AFF2: variants seen among roughly 807,000 people sequenced by gnomAD.
AFF2 encodes AF4/FMR2 family member 2.
In AFF2, 14 loss-of-function variants were observed where a neutral mutation model predicts 76.9. The ratio of observed to expected loss-of-function variants is 0.18; its 90% CI spans 0.12 to 0.28. The LOEUF (loss-of-function observed/expected upper bound fraction) is 0.28. AFF2 is among the 10% of genes least tolerant of loss of function. The pLI is 1.00. For missense variants in AFF2, 868 were observed against 1,001.1 expected, an observed-to-expected ratio of 0.87 and a Z score of 1.79; for synonymous variants, 398 against 366.7, an observed-to-expected ratio of 1.09 and a Z score of -0.98.
intron 7 of AFF2, among the ~76,000 whole-genome samples, chrX:148,859,324 T>A (rs1287099839): frequency 2.7e-5 from 3 of 109,918 alleles, no homozygotes; most frequent in African/African-American, 9.9e-5. Context: ...GACAGGAGTT[T>A]ACCTACGTAA....
chrX:148,788,727 G>A (rs1557269733), intron 3 of AFF2, among the ~76,000 whole-genome samples: 1 of 112,384 alleles, frequency 8.9e-6, no homozygotes, highest in East Asian at 2.8e-4. Flanking sequence ...GGCTAGTGCT[G>A]TGATGGTAGC....
At chrX:148,961,364 T>C (rs1392505991) in intron 12 of AFF2, among the ~76,000 whole-genome samples, 1 of 112,560 alleles carries the variant, frequency 8.9e-6, no homozygotes, top group African/African-American at 3.2e-5. Flanking sequence ...TTAATCCATA[T>C]GTTCACCATC....
intron 7 of AFF2, among the ~76,000 whole-genome samples, chrX:148,856,426 A>G (rs990540212): frequency 1.8e-5 from 2 of 111,703 alleles, no homozygotes; most frequent in Non-Finnish European, 3.8e-5. Flanking sequence ...TTTTATAGCC[A>G]GTAATGATGG....
chrX:148,674,492 G>C (rs1557259320), intron 3 of AFF2, among the ~76,000 whole-genome samples: 1 of 112,140 alleles, frequency 8.9e-6, no homozygotes, highest in African/African-American at 3.2e-5. Context: ...GGCCAAGGGA[G>C]TAGAGGCTCT....
intron 3 of AFF2, among the ~76,000 whole-genome samples, chrX:148,801,892 G>GTT (rs2124633574): frequency 9.0e-6 from 1 of 111,129 alleles, no homozygotes; most frequent in East Asian, 2.8e-4. Flanking sequence ...ACACAATCAG[G>GTT]TTTACATCCC....
rs1478419173 is a variant in AFF2, at chrX:148,541,059, T to C, written c.47+39915T>C. ...AACAGCCTGATTTTATGAGGTGACATTTTAGATTATGATATGACATTGCAG... is the reference window on the plus strand; with the variant it reads ...AACAGCCTGATTTTATGAGGTGACACTTTAGATTATGATATGACATTGCAG... On this transcript the variant is annotated intron_variant, in intron 1 of 20. Coordinates refer to ENST00000370460, the MANE Select transcript of AFF2 (RefSeq NM_002025.4). Among the ~76,000 whole-genome samples, 3 of 112,312 alleles carry C rather than the reference T, an allele frequency of 2.7e-5. No individual in the cohort carries two copies. The East Asian group carries it at 8.4e-4, about 31-fold the overall frequency.
At chrX:148,592,652 C>T (rs1456515655) in intron 1 of AFF2, among the ~76,000 whole-genome samples, 8 of 111,875 alleles carry the variant, frequency 7.2e-5, no homozygotes, top group Non-Finnish European at 1.5e-4. Flanking sequence ...GTGACCTTCT[C>T]TGATCCTGAG....
intron 3 of AFF2, among the ~76,000 whole-genome samples, chrX:148,684,317 A>C (rs949576907): frequency 1.2e-4 from 13 of 112,155 alleles, no homozygotes; most frequent in Non-Finnish European, 2.4e-4. Flanking sequence ...GAGATTTCTG[A>C]CATTTTTGAA....
chrX:148,896,675 G>T (rs1247899304), intron 8 of AFF2, among the ~76,000 whole-genome samples: 1 of 111,360 alleles, frequency 9.0e-6, no homozygotes, highest in Non-Finnish European at 1.9e-5. Flanking sequence ...AGCCAGAGCA[G>T]AAGTAGTGTT....
At chrX:148,531,109 A>G (rs924454214) in intron 1 of AFF2, among the ~76,000 whole-genome samples, 2 of 112,328 alleles carry the variant, frequency 1.8e-5, no homozygotes, top group African/African-American at 3.2e-5. Flanking sequence ...AGCAAAAAAT[A>G]TATGGTAAAA....
At chrX:148,725,579 T>G (rs1201165904) in intron 3 of AFF2, among the ~76,000 whole-genome samples, 2 of 111,625 alleles carry the variant, frequency 1.8e-5, no homozygotes, top group Admixed American at 1.9e-4. Flanking sequence ...TAGAACACTT[T>G]TACTTCTCTG....
chrX:148,552,308 C>T (rs782097734), intron 1 of AFF2, among the ~76,000 whole-genome samples: 2 of 111,865 alleles, frequency 1.8e-5, no homozygotes, highest in East Asian at 2.8e-4. Context: ...AGGGTTGAAG[C>T]GTGGTATGAA....
At chrX:148,882,158 G>C (rs937143883) in intron 7 of AFF2, among the ~76,000 whole-genome samples, 1 of 111,303 alleles carries the variant, frequency 9.0e-6, no homozygotes, top group Non-Finnish European at 1.9e-5. Context: ...TGATTTTCTG[G>C]TTATCATTCA....
At chrX:148,770,390 C>T (rs1489046866) in intron 3 of AFF2, among the ~76,000 whole-genome samples, 4 of 111,878 alleles carry the variant, frequency 3.6e-5, no homozygotes, top group African/African-American at 1.3e-4. Flanking sequence ...AAAATTGTTA[C>T]TCCTAGATAC....
chrX:148,852,317 G>A (rs2070739748), intron 7 of AFF2, among the ~76,000 whole-genome samples: 1 of 108,746 alleles, frequency 9.2e-6, no homozygotes, highest in African/African-American at 3.4e-5. Flanking sequence ...TTTCCACAAT[G>A]GTTGAACTAA....
At chrX:148,690,436 C>A (rs1342045099) in intron 3 of AFF2, among the ~76,000 whole-genome samples, 1 of 111,808 alleles carries the variant, frequency 8.9e-6, no homozygotes, top group Non-Finnish European at 1.9e-5. Flanking sequence ...CTAGTCTAAA[C>A]CTCATTTAGA....
At chrX:148,822,704 G>GGTGTGTGTGTGTGT (rs36003565) in intron 4 of AFF2, among the ~76,000 whole-genome samples, 5 of 92,247 alleles carry the variant, frequency 5.4e-5, no homozygotes, top group African/African-American at 7.8e-5. Context: ...ATTCCTCCAG[G>GGTGTGTGTGTGTGT]GTGTGTGTGT....
Position 148,772,127 on chromosome X carries a change from G to A in AFF2, c.1042-37749G>A, listed in dbSNP as rs1603298054. ...GGCATCCTTACATCTTCTTTTCAGG[G>A]TAATTATCTCAACACACATCTGATG... is the stretch of plus-strand genomic sequence containing the variant. On this transcript the variant is annotated intron_variant, in intron 3 of 20. Transcript: ENST00000370460. 2.7e-5 allele frequency among the ~76,000 whole-genome samples: 3 copies of A among 111,967 alleles called. No individual in the cohort carries two copies. The South Asian group carries it at 1.1e-3, about 41-fold the overall frequency.
chrX:148,700,985 G>GGAGAGAGAGA (rs34108020), intron 3 of AFF2, among the ~76,000 whole-genome samples: 12 of 81,890 alleles, frequency 1.5e-4, no homozygotes, highest in African/African-American at 1.0e-4. Flanking sequence ...AGGTATGATG[G>GGAGAGAGAGA]GAGAGAGAGA....
Sources: allele counts gnomAD v4.1 joint callset (sites outside exome capture counted in the v4.1 genomes callset), GRCh38; gene constraint gnomAD v4.1.1; transcripts MANE v1.5; gene names NCBI Gene and HGNC (gene_info 2026-07-23, HGNC 2026-07-21).